EVL: variants seen among roughly 807,000 people sequenced by gnomAD.
The protein encoded by EVL is ena/VASP-like protein.
In EVL, 21 loss-of-function variants were observed where a neutral mutation model predicts 59.6. The ratio of observed to expected loss-of-function variants is 0.35; its 90% CI spans 0.25 to 0.51. EVL has a LOEUF of 0.51. EVL is among the 20% of genes least tolerant of loss of function. The pLI, the probability that EVL is intolerant of heterozygous loss-of-function variation, is 0.97. For synonymous variants in EVL, 198 were observed against 203.5 expected, an observed-to-expected ratio of 0.97 and a Z score of 0.23; for missense variants, 462 against 546.6, an observed-to-expected ratio of 0.85 and a Z score of 1.54.
intron 1 of EVL, among the ~76,000 whole-genome samples, chr14:100,006,811 C>CAAAAAA (rs56007744): frequency 6.3e-5 from 8 of 127,898 alleles, no homozygotes; most frequent in African/African-American, 1.9e-4. Flanking sequence ...AGTAAAACAT[C>CAAAAAA]AAAAAAAAAA....
intron 1 of EVL, among the ~76,000 whole-genome samples, chr14:99,975,809 G>A (rs574363892): frequency 1.3e-5 from 2 of 152,228 alleles, no homozygotes; most frequent in Non-Finnish European, 2.9e-5. Flanking sequence ...TCATGTCCAG[G>A]GGTTGAGGAC....
chr14:100,034,247 A>AAG (rs2061356010), intron 1 of EVL, among the ~76,000 whole-genome samples: 1 of 151,570 alleles, frequency 6.6e-6, no homozygotes, highest in African/African-American at 2.4e-5. Flanking sequence ...AAAAAAAAAA[A>AAG]AAAGAAAAAG....
intron 1 of EVL, chr14:99,974,308 C>G (rs774136149): frequency 6.6e-6 from 1 of 152,112 alleles, no homozygotes; most frequent in African/African-American, 2.4e-5. Flanking sequence ...CTTTATTTTT[C>G]TTGTATAAAA....
At position 100,084,872 on chromosome 14, in the gene EVL, C is replaced by G. The variant is rs1479012925; in HGVS notation, c.180+17C>G. ...GATCAGCAGGTCAGTGCTGGAATTA[C>G]AGATTATACCCGTGAGCCTGCGCAC... On this transcript the variant is annotated intron_variant, in intron 2 of 13. Transcript: ENST00000392920. 1 of 1,612,026 alleles carries G rather than the reference C, an allele frequency of 6.2e-7. No homozygotes were observed. Among genetic ancestry groups the G allele is most frequent in the Non-Finnish European group, 8.5e-7 (1 of 1,179,012 alleles).
intron 1 of EVL, among the ~76,000 whole-genome samples, chr14:100,080,599 C>G (rs2062277113): frequency 6.6e-6 from 1 of 152,210 alleles, no homozygotes; most frequent in Non-Finnish European, 1.5e-5. Flanking sequence ...AGGGAAATTA[C>G]AGGTGCAGAT....
chr14:100,132,607 C>G, intron 7 of EVL, 112 bp from the exon 8 acceptor site: 1 of 1,230,284 alleles, frequency 8.1e-7, no homozygotes. Context: ...CGTTTTCCCA[C>G]ACAGGTTTAT....
At chr14:100,038,775 T>G (rs961149237) in intron 1 of EVL, among the ~76,000 whole-genome samples, 31 of 149,480 alleles carry the variant, frequency 2.1e-4, no homozygotes, top group African/African-American at 7.1e-4. Flanking sequence ...CCCTGGGGTG[T>G]GTGTGTGTGT....
chr14:99,995,385 G>A (rs2060906727), intron 1 of EVL, among the ~76,000 whole-genome samples: 1 of 151,990 alleles, frequency 6.6e-6, no homozygotes, highest in Non-Finnish European at 1.5e-5. Flanking sequence ...GAGTTCGGTG[G>A]TTCTGTCCTC....
At chr14:100,019,293 A>G (rs569542451) in intron 1 of EVL, 100 of 215,576 alleles carry the variant, frequency 4.6e-4, no homozygotes, top group South Asian at 1.8e-3. Context: ...CCCAACCTGC[A>G]CAGTTCTGGT....
rs78252591 is a variant in EVL, at chr14:99,986,647, A to G, written c.5+14590A>G. Among the ~76,000 whole-genome samples the G allele has an allele frequency of 8.2e-4, 125 of 152,342 alleles. 1 individual carries two copies. Among genetic ancestry groups the G allele is most frequent in the South Asian group, 1.4e-3 (7 of 4,830 alleles). On this transcript the variant is annotated intron_variant, in intron 1 of 13. Coordinates refer to the EVL transcript ENST00000402714. ...AATATTTATTGAGTTCACTGTGCAG[A>G]TTTCTGGACTATGAATTGAAGACAT...
intron 1 of EVL, among the ~76,000 whole-genome samples, chr14:99,990,670 C>T (rs1289238626): frequency 6.6e-6 from 1 of 152,070 alleles, no homozygotes; most frequent in Non-Finnish European, 1.5e-5. Flanking sequence ...AGCATGTGAT[C>T]AGATACCCTT....
rs1482609992 is a variant in EVL at position 100,114,160 on chromosome 14, G to A, written c.359-9379G>A. 4.7e-5 allele frequency among the ~76,000 whole-genome samples: 5 copies of A among 105,924 alleles called. No homozygotes were observed. The highest frequency in any genetic ancestry group is 3.2e-4 in the South Asian group (1 of 3,084). The allele number at this position is 105,924 out of a possible 152,430, so 69.5% of individuals were successfully genotyped here. A position where few individuals can be genotyped will look rare whatever the true frequency, so the allele number is the denominator to read the frequency against. On this transcript the variant is annotated intron_variant, in intron 3 of 13. Transcript: ENST00000392920. The surrounding 1 kb of genome is among the most constrained non-coding windows in gnomAD (Gnocchi z 5.0). The stretch of plus-strand genomic sequence containing the variant: ...CATGGAGTCCAGCAAGGAGCGAAGC[G>A]AAGGAGGGCCGGGGGGGAATCAAAT...
chr14:100,048,942 C>T (rs1005047424), intron 1 of EVL, among the ~76,000 whole-genome samples: 2 of 151,994 alleles, frequency 1.3e-5, no homozygotes, highest in Non-Finnish European at 2.9e-5. Flanking sequence ...TTGGTGGGGG[C>T]GGATATGACT....
intron 1 of EVL, chr14:100,066,296 C>T (rs888727293): frequency 1.3e-5 from 2 of 152,140 alleles, no homozygotes; most frequent in African/African-American, 4.8e-5. Flanking sequence ...TTATTTGAAT[C>T]TTTTAGCCGT....
At chr14:100,143,556 T>C (rs887729890) in intron 13 of EVL, 145 bp from the exon 14 acceptor site, 3 of 938,752 alleles carry the variant, frequency 3.2e-6, no homozygotes, top group South Asian at 1.5e-5. Flanking sequence ...ACCCCAGAGG[T>C]CTATGCCAAA....
chr14:100,058,432 A>G (rs573392441), intron 1 of EVL, among the ~76,000 whole-genome samples: 1 of 152,270 alleles, frequency 6.6e-6, no homozygotes, highest in South Asian at 2.1e-4. Flanking sequence ...CACCACTTAC[A>G]CTGTACCTAC....
At chr14:99,971,669 G>A (rs1228855978) in exon 1 of EVL, 1 of 149,550 alleles carries the variant, frequency 6.7e-6, no homozygotes, top group African/African-American at 2.4e-5. Flanking sequence ...CACTCGCCAG[G>A]GGCCGCCGCC....
At chr14:100,089,688 A>G (rs1020719559) in intron 2 of EVL, among the ~76,000 whole-genome samples, 2 of 152,240 alleles carry the variant, frequency 1.3e-5, no homozygotes, top group East Asian at 1.9e-4. Context: ...TGGGAGGCCA[A>G]TGAGGGAGGA....
intron 1 of EVL, among the ~76,000 whole-genome samples, chr14:99,989,585 C>T (rs1367237135): frequency 6.6e-6 from 1 of 152,184 alleles, no homozygotes; most frequent in Admixed American, 6.5e-5. Context: ...TTATAAGGAA[C>T]CCACCCTCAC....
Sources: gnomAD v4.1 joint callset for allele counts (sites outside exome capture counted in the v4.1 genomes callset) on GRCh38, gnomAD v4.1.1 for gene constraint, Gnocchi (gnomAD v3.1) non-coding constraint, MANE v1.5 for transcripts, NCBI Gene and HGNC (gene_info 2026-07-23, HGNC 2026-07-21) for gene names.